KLF12: variants seen among roughly 807,000 people sequenced by gnomAD.
The protein encoded by KLF12 is KLF transcription factor 12.
Under a neutral mutation model 37.8 loss-of-function variants are expected in KLF12, and 9 were observed. That is an observed-to-expected ratio of 0.24 (90% CI 0.14 to 0.42). The LOEUF is 0.42. Ranked by LOEUF, KLF12 falls within the 10% of genes least tolerant of loss-of-function variation. The pLI is 1.00. For missense variants in KLF12, 411 were observed against 516.0 expected, an observed-to-expected ratio of 0.80 and a Z score of 1.97; for synonymous variants, 208 against 202.1, an observed-to-expected ratio of 1.03 and a Z score of -0.25.
At chr13:74,243,860 G>A in the KLF12 span, among the ~76,000 whole-genome samples, 1 of 152,172 alleles carries the variant, frequency 6.6e-6, no homozygotes, top group Admixed American at 6.5e-5. Flanking sequence ...GGAACAGAGT[G>A]TATAGGCAAT....
At chr13:73,738,416 T>C (rs372308463) in intron 6 of KLF12, among the ~76,000 whole-genome samples, 21 of 151,670 alleles carry the variant, frequency 1.4e-4, no homozygotes, top group African/African-American at 4.8e-4. Flanking sequence ...CCTCCCAAAG[T>C]GTTTGGATTA....
At chr13:74,156,087 AGATGCTGTGTTG>A in the KLF12 span, among the ~76,000 whole-genome samples, 1 of 152,226 alleles carries the variant, frequency 6.6e-6, no homozygotes, top group Non-Finnish European at 1.5e-5. Context: ...TCCATCCTTC[AGATGCTGTGTTG>A]GAGACTTCCT....
intron 1 of KLF12, among the ~76,000 whole-genome samples, chr13:74,083,223 T>C (rs1418351653): frequency 1.3e-5 from 2 of 152,102 alleles, no homozygotes; most frequent in Non-Finnish European, 2.9e-5. Context: ...CCATCAAAGA[T>C]GTATTGAGGC....
At chr13:74,296,015 G>A in the KLF12 span, among the ~76,000 whole-genome samples, 1 of 151,678 alleles carries the variant, frequency 6.6e-6, no homozygotes, top group African/African-American at 2.4e-5. Context: ...CAGAGATGGG[G>A]TTTCATCATT....
At chr13:73,753,151 G>T (rs1046925268) in intron 6 of KLF12, among the ~76,000 whole-genome samples, 2 of 151,990 alleles carry the variant, frequency 1.3e-5, no homozygotes, top group African/African-American at 2.4e-5. Flanking sequence ...GTCATCCGCG[G>T]TCCCCGTCCC....
chr13:73,805,650 GAGGA>G (rs1164051826), intron 5 of KLF12, among the ~76,000 whole-genome samples: 753 of 36,904 alleles, frequency 0.02, 36 homozygotes, highest in Middle Eastern at 0.032. Context: ...GGGAGGGAGG[GAGGA>G]AGGAAGGAAG....
intron 1 of KLF12, among the ~76,000 whole-genome samples, chr13:74,009,332 A>G (rs1473161089): frequency 1.3e-5 from 2 of 152,232 alleles, no homozygotes; most frequent in East Asian, 3.8e-4. Context: ...TGTGGTAAGT[A>G]CTTTATACAC....
chr13:74,075,732 C>T (rs1874524385), intron 1 of KLF12, among the ~76,000 whole-genome samples: 1 of 152,050 alleles, frequency 6.6e-6, no homozygotes, highest in African/African-American at 2.4e-5. Flanking sequence ...TACTTTGTTT[C>T]TCTGACTACA....
intron 2 of KLF12, among the ~76,000 whole-genome samples, chr13:73,967,387 T>C (rs1289331636): frequency 6.6e-6 from 1 of 152,136 alleles, no homozygotes; most frequent in Non-Finnish European, 1.5e-5. Flanking sequence ...GCCAGAAGAA[T>C]ACAGTGGATG....
intron 3 of KLF12, among the ~76,000 whole-genome samples, chr13:73,883,189 C>G (rs191327264): frequency 1.3e-5 from 2 of 151,990 alleles, no homozygotes; most frequent in Non-Finnish European, 2.9e-5. Context: ...TACTGTACAT[C>G]CTTTTATTAA....
At chr13:73,853,759 A>C (rs1403734594) in intron 3 of KLF12, among the ~76,000 whole-genome samples, 1 of 151,694 alleles carries the variant, frequency 6.6e-6, no homozygotes, top group Admixed American at 6.6e-5. Flanking sequence ...AAAAATGGTA[A>C]GCAGACATTC....
At chr13:73,782,777 G>T (rs1285602076) in intron 5 of KLF12, among the ~76,000 whole-genome samples, 2 of 152,162 alleles carry the variant, frequency 1.3e-5, no homozygotes, top group Non-Finnish European at 2.9e-5. Context: ...TCAAAATTTG[G>T]TGTTGATTGT....
intron 3 of KLF12, among the ~76,000 whole-genome samples, chr13:73,874,948 T>C (rs1396358752): frequency 6.6e-6 from 1 of 152,138 alleles, no homozygotes; most frequent in African/African-American, 2.4e-5. Context: ...AAAGACCATA[T>C]TTTAAATAGG....
chr13:73,861,093 CTCTT>C (rs1263568691), intron 3 of KLF12, among the ~76,000 whole-genome samples: 1 of 152,140 alleles, frequency 6.6e-6, no homozygotes, highest in Non-Finnish European at 1.5e-5. Context: ...AAAAATAACA[CTCTT>C]TCTGGTTCCA....
At chr13:73,952,808 G>A (rs1427374261) in intron 2 of KLF12, among the ~76,000 whole-genome samples, 2 of 152,188 alleles carry the variant, frequency 1.3e-5, no homozygotes, top group Non-Finnish European at 2.9e-5. Flanking sequence ...GACAGGACTA[G>A]AAGCAATTTG....
the KLF12 span, among the ~76,000 whole-genome samples, chr13:74,224,531 C>T: frequency 6.6e-6 from 1 of 152,170 alleles, no homozygotes; most frequent in African/African-American, 2.4e-5. Context: ...AGGAAATGTT[C>T]TTTCTTCCAT....
At chr13:73,991,225 T>TA (rs1208830302) in intron 2 of KLF12, among the ~76,000 whole-genome samples, 1 of 151,958 alleles carries the variant, frequency 6.6e-6, no homozygotes, top group African/African-American at 2.4e-5. Context: ...TGTGGCTCAA[T>TA]AAAAAAAACT....
At chr13:74,107,554 G>C (rs777007936) in intron 1 of KLF12, among the ~76,000 whole-genome samples, 15 of 152,208 alleles carry the variant, frequency 9.9e-5, no homozygotes, top group Non-Finnish European at 1.9e-4. Flanking sequence ...GTATTTGTGC[G>C]CATGCGCACA....
At chr13:73,905,179 G>A (rs1288973330) in intron 3 of KLF12, among the ~76,000 whole-genome samples, 6 of 152,114 alleles carry the variant, frequency 3.9e-5, no homozygotes, top group Admixed American at 2.0e-4. Context: ...TATTCAAGAT[G>A]ATTTTTCCCC....
Sources: allele counts gnomAD v4.1 joint callset (sites outside exome capture counted in the v4.1 genomes callset), GRCh38; gene constraint gnomAD v4.1.1; transcripts MANE v1.5; gene names NCBI Gene and HGNC (gene_info 2026-07-23, HGNC 2026-07-21).